The following KIAA1217 variants were observed in gnomAD, a reference collection of about 807,000 sequenced individuals.
KIAA1217 encodes the protein sickle tail protein homolog.
KIAA1217 carries 88 observed loss-of-function variants against 163.9 expected under a neutral mutation model. The observed-to-expected ratio is 0.54, with a 90% confidence interval of 0.45 to 0.64. The LOEUF (loss-of-function observed/expected upper bound fraction) is 0.64. KIAA1217 is among the 30% of genes least tolerant of loss of function. The pLI, the probability that KIAA1217 is intolerant of heterozygous loss-of-function variation, is 0.00. For missense variants in KIAA1217, 2,372 were observed against 2,475.0 expected (o/e 0.96, Z 0.88); for synonymous variants, 903 against 923.1 (o/e 0.98, Z 0.39).
At chr10:23,969,475 T>C (rs1319707499) in intron 1 of KIAA1217, among the ~76,000 whole-genome samples, 1 of 152,230 alleles carries the variant, frequency 6.6e-6, no homozygotes, top group Admixed American at 6.5e-5. Flanking sequence ...TGTATTATAT[T>C]AGAGTCATCC....
At chr10:24,412,273 T>C (rs755155513) in intron 3 of KIAA1217, among the ~76,000 whole-genome samples, 8 of 152,182 alleles carry the variant, frequency 5.3e-5, no homozygotes, top group Non-Finnish European at 1.0e-4. Flanking sequence ...TGCTTGTCAG[T>C]CTTCAGCAAT....
intron 1 of KIAA1217, among the ~76,000 whole-genome samples, chr10:23,706,046 T>C (rs1836864862): frequency 6.6e-6 from 1 of 152,194 alleles, no homozygotes; most frequent in Non-Finnish European, 1.5e-5. Flanking sequence ...CTTAATTTGA[T>C]TTTTGAATTG....
At position 23,982,515 on chromosome 10, in the gene KIAA1217, GCT is replaced by G. The variant is rs552967526; in HGVS notation, c.-320-24707_-320-24706del. Among the ~76,000 whole-genome samples, 21 of 98,600 alleles carry G rather than the reference GCT, an allele frequency of 2.1e-4. No individual in the cohort carries two copies. The East Asian group carries it at 7.5e-3, about 35-fold the overall frequency. The allele number at this position is 98,600 out of a possible 152,430, so 64.7% of individuals were successfully genotyped here. The stretch of plus-strand genomic sequence containing the variant: ...GGAAACTTTGTATTTCCTCTGTATT[GCT>G]CTGTTTTTTGTTTCTCTCTCTCTCT... On this transcript the variant is annotated intron_variant, in intron 1 of 18. Coordinates refer to the KIAA1217 transcript ENST00000376462.
At chr10:23,924,969 G>A (rs573197941) in intron 1 of KIAA1217, among the ~76,000 whole-genome samples, 1 of 151,762 alleles carries the variant, frequency 6.6e-6, no homozygotes, top group East Asian at 1.9e-4. Flanking sequence ...AAAAAATCCA[G>A]TAGCCAAAAT....
intron 1 of KIAA1217, among the ~76,000 whole-genome samples, chr10:23,805,012 A>C (rs1404428242): frequency 6.6e-6 from 1 of 152,178 alleles, no homozygotes; most frequent in Non-Finnish European, 1.5e-5. Flanking sequence ...ACAGATGCTG[A>C]TGAGGCTGTG....
intron 1 of KIAA1217, among the ~76,000 whole-genome samples, chr10:23,904,726 CT>C (rs1564521602): frequency 6.6e-6 from 1 of 152,120 alleles, no homozygotes; most frequent in Admixed American, 6.6e-5. Flanking sequence ...TAGGTACAAT[CT>C]TGTGGCCCAG....
chr10:24,443,522 G>A lies in KIAA1217; in HGVS notation c.846+5043G>A, dbSNP rs1055045251. On this transcript the variant is annotated intron_variant, in intron 5 of 20. Transcript: ENST00000376454. Reference sequence around the variant, plus strand: ...AATTCTACTCATCTAACATATTCCAGAACAATTGTCTAATTCCTTCAGCAA... The same window carrying A: ...AATTCTACTCATCTAACATATTCCAAAACAATTGTCTAATTCCTTCAGCAA... Among the ~76,000 whole-genome samples, 13 of 150,942 alleles carry A rather than the reference G, an allele frequency of 8.6e-5. No individual in the cohort carries two copies. In the Admixed American group the frequency reaches 8.7e-4, roughly 10 times the overall value.
chr10:24,278,257 T>C (rs2077527962), intron 2 of KIAA1217, among the ~76,000 whole-genome samples: 1 of 152,178 alleles, frequency 6.6e-6, no homozygotes, highest in South Asian at 2.1e-4. Context: ...AGGTAGAAGA[T>C]GGATGAGAGT....
chr10:24,460,661 C>A (rs2062308770), intron 5 of KIAA1217, among the ~76,000 whole-genome samples: 1 of 152,114 alleles, frequency 6.6e-6, no homozygotes, highest in Non-Finnish European at 1.5e-5. Context: ...CCATAACATA[C>A]CCTTTAAAAT....
intron 1 of KIAA1217, among the ~76,000 whole-genome samples, chr10:23,761,879 A>G (rs1834274855): frequency 6.6e-6 from 1 of 152,150 alleles, no homozygotes; most frequent in Admixed American, 6.6e-5. Context: ...CTAATAAAGA[A>G]GAGAAGAATC....
At chr10:24,520,884 AAAATT>A (rs889670390) in intron 11 of KIAA1217, among the ~76,000 whole-genome samples, 200 of 149,332 alleles carry the variant, frequency 1.3e-3, no homozygotes, top group Middle Eastern at 0.01. Flanking sequence ...CAAAAAATAA[AAAATT>A]AAATTAAATT....
At chr10:24,235,793 C>A (rs532418978) in intron 2 of KIAA1217, among the ~76,000 whole-genome samples, 1 of 152,146 alleles carries the variant, frequency 6.6e-6, no homozygotes, top group African/African-American at 2.4e-5. Flanking sequence ...CTCCGTATCT[C>A]GGAGGATCTG....
intron 2 of KIAA1217, among the ~76,000 whole-genome samples, chr10:24,066,112 C>T (rs536747113): frequency 4.6e-5 from 7 of 152,034 alleles, no homozygotes; most frequent in South Asian, 2.1e-4. Context: ...CCAGTCTGTG[C>T]CTTTTAATTG....
intron 11 of KIAA1217, among the ~76,000 whole-genome samples, chr10:24,520,627 C>CAAAAAAAAAA (rs71472812): frequency 1.1e-4 from 5 of 44,940 alleles, no homozygotes; most frequent in African/African-American, 1.3e-4. Flanking sequence ...ACATCTCTAC[C>CAAAAAAAAAA]AAAAAAAAAA....
intron 2 of KIAA1217, among the ~76,000 whole-genome samples, chr10:24,102,688 T>C (rs944228029): frequency 6.6e-6 from 1 of 152,220 alleles, no homozygotes; most frequent in Non-Finnish European, 1.5e-5. Context: ...AGTGAATGAA[T>C]AGATAAATAG....
intron 2 of KIAA1217, among the ~76,000 whole-genome samples, chr10:24,283,857 G>C (rs1251391194): frequency 6.6e-6 from 1 of 151,340 alleles, no homozygotes; most frequent in African/African-American, 2.4e-5. Flanking sequence ...GTTTTAATTT[G>C]CAATTCCTTA....
chr10:24,237,465 T>C (rs1211120276), intron 2 of KIAA1217, among the ~76,000 whole-genome samples: 1 of 152,198 alleles, frequency 6.6e-6, no homozygotes, highest in Non-Finnish European at 1.5e-5. Flanking sequence ...TTCTGACTCT[T>C]CTCGCTCTCT....
At chr10:24,475,096 G>A (rs1301657331) in intron 6 of KIAA1217, among the ~76,000 whole-genome samples, 1 of 152,152 alleles carries the variant, frequency 6.6e-6, no homozygotes, top group East Asian at 1.9e-4. Context: ...GCAGGTGCCT[G>A]TAATCTCAGC....
At chr10:24,452,090 G>A (rs2061414569) in intron 5 of KIAA1217, among the ~76,000 whole-genome samples, 2 of 152,128 alleles carry the variant, frequency 1.3e-5, no homozygotes, top group East Asian at 1.9e-4. Context: ...GAGAGAACAC[G>A]TTAATCTTTT....
Sources: gnomAD v4.1 joint callset for allele counts (sites outside exome capture counted in the v4.1 genomes callset) on GRCh38, gnomAD v4.1.1 for gene constraint, MANE v1.5 for transcripts, NCBI Gene and HGNC (gene_info 2026-07-23, HGNC 2026-07-21) for gene names.